The following FHIP1A variants were observed in gnomAD, a reference collection of about 807,000 sequenced individuals.
The protein encoded by FHIP1A is FHF complex subunit HOOK-interacting protein 1A.
Under a neutral mutation model 88.6 loss-of-function variants are expected in FHIP1A, and 61 were observed. The observed-to-expected ratio is 0.69, with a 90% CI of 0.56 to 0.85. The LOEUF (loss-of-function observed/expected upper bound fraction) is 0.85. Ranked by LOEUF, FHIP1A falls within the 40% of genes least tolerant of loss-of-function variation. The pLI is 0.00. For synonymous variants in FHIP1A, 478 were observed against 496.0 expected (o/e 0.96, Z 0.48); for missense variants, 1,154 against 1,273.5 (o/e 0.91, Z 1.43).
chr4:151,417,382 C>A (rs1483721676), intron 1 of FHIP1A, among the ~76,000 whole-genome samples: 1 of 152,116 alleles, frequency 6.6e-6, no homozygotes, highest in African/African-American at 2.4e-5. Context: ...CAGAGTTACA[C>A]CCTATGCAAA....
intron 2 of FHIP1A, among the ~76,000 whole-genome samples, chr4:151,474,275 C>T (rs1729623048): frequency 6.6e-6 from 1 of 152,112 alleles, no homozygotes; most frequent in Non-Finnish European, 1.5e-5. Flanking sequence ...TTGAAATTCA[C>T]AGGTTCAAAA....
At chr4:151,630,195 T>C (rs1302642457) in intron 8 of FHIP1A, among the ~76,000 whole-genome samples, 1 of 152,152 alleles carries the variant, frequency 6.6e-6, no homozygotes, top group Non-Finnish European at 1.5e-5. Context: ...CAAGGGAACA[T>C]GTGGGCTTAA....
rs1373019949 is a variant in FHIP1A at position 151,569,888 on chromosome 4, G to A, written c.105+3524G>A. Among the ~76,000 whole-genome samples, 4 of 152,174 alleles carry A rather than the reference G, an allele frequency of 2.6e-5. No individual in the cohort carries two copies. In the East Asian group the frequency reaches 7.7e-4, roughly 29 times the overall value. On this transcript the variant is annotated intron_variant, in intron 4 of 13. Transcript: ENST00000435205. Reference sequence around the variant, plus strand: ...GTTCCCAACTGCTTCTGGGTCCAGTGATCTCATGGCATCCCCAGAATCATT... The same window carrying A: ...GTTCCCAACTGCTTCTGGGTCCAGTAATCTCATGGCATCCCCAGAATCATT...
rs1287168284 is a variant in FHIP1A at position 151,415,557 on chromosome 4, C to T, written c.-356+6092C>T. ...TTTTTCTATATTAAGAACAGTGCTT[C>T]AGAGAACATCCTTGAAAGTGTTATC... is the stretch of plus-strand genomic sequence containing the variant. On this transcript the variant is annotated intron_variant, in intron 1 of 13. Transcript: ENST00000435205. 3.3e-5 allele frequency among the ~76,000 whole-genome samples: 5 copies of T among 152,190 alleles called. No individual in the cohort carries two copies. The South Asian group carries it at 6.2e-4, about 19-fold the overall frequency.
rs1737521462 is a variant in FHIP1A at position 151,662,835 on chromosome 4, A to G, written c.*81A>G. Reference sequence around the variant, plus strand: ...CTGAATGTTAAATGCAAAGCTGCTTACAAAGATTTCTACTTTAATGTTTCC... The same window carrying G: ...CTGAATGTTAAATGCAAAGCTGCTTGCAAAGATTTCTACTTTAATGTTTCC... On this transcript the variant is annotated 3_prime_UTR_variant, in exon 14 of 14. Coordinates refer to ENST00000435205, the MANE Select transcript of FHIP1A (RefSeq NM_001109977.3). 1 of 1,263,342 alleles carries G rather than the reference A, an allele frequency of 7.9e-7. No individual in the cohort carries two copies. The highest frequency in any genetic ancestry group is 1.5e-5 in the African/African-American group (1 of 64,688). The allele number at this position is 1,263,342 out of a possible 1,614,324, so 78.3% of individuals were successfully genotyped here.
intron 1 of FHIP1A, among the ~76,000 whole-genome samples, chr4:151,441,299 A>C (rs1389983320): frequency 2.0e-5 from 3 of 151,960 alleles, no homozygotes; most frequent in African/African-American, 7.2e-5. Flanking sequence ...GGGTTTAGAA[A>C]ATTCTGAGAT....
intron 3 of FHIP1A, among the ~76,000 whole-genome samples, chr4:151,544,183 G>T (rs932101184): frequency 6.6e-6 from 1 of 152,316 alleles, no homozygotes; most frequent in South Asian, 2.1e-4. Context: ...TCCATATTTT[G>T]AAGATAAAGT....
intron 4 of FHIP1A, among the ~76,000 whole-genome samples, chr4:151,575,676 A>G (rs1014101165): frequency 2.0e-5 from 3 of 152,172 alleles, no homozygotes; most frequent in Non-Finnish European, 2.9e-5. Flanking sequence ...CAACTTTATA[A>G]TGGAAGTCAA....
chr4:151,603,567 C>T (rs561314647), intron 7 of FHIP1A, among the ~76,000 whole-genome samples: 8 of 152,274 alleles, frequency 5.3e-5, no homozygotes, highest in African/African-American at 1.9e-4. Flanking sequence ...CTAAAAAGCT[C>T]TGGGGCTGAG....
chr4:151,657,017 T>G, intron 13 of FHIP1A, 119 bp downstream of exon 13: 2 of 1,101,344 alleles, frequency 1.8e-6, no homozygotes, highest in Non-Finnish European at 2.5e-6. Flanking sequence ...TCAGAGATAT[T>G]TTCATTTTTA....
At chr4:151,654,191 A>G (rs774052635) in intron 11 of FHIP1A, among the ~76,000 whole-genome samples, 1 of 152,076 alleles carries the variant, frequency 6.6e-6, no homozygotes, top group Non-Finnish European at 1.5e-5. Context: ...GATGCTAATT[A>G]TAATGTCAAA....
chr4:151,456,415 G>A (rs574136827), intron 2 of FHIP1A, among the ~76,000 whole-genome samples: 1 of 152,152 alleles, frequency 6.6e-6, no homozygotes. Context: ...TGGAACTCAA[G>A]TGAGGAGAGT....
intron 4 of FHIP1A, among the ~76,000 whole-genome samples, chr4:151,572,077 C>G (rs1733622784): frequency 6.6e-6 from 1 of 152,170 alleles, no homozygotes; most frequent in Non-Finnish European, 1.5e-5. Flanking sequence ...TGTGGTGGCA[C>G]ATGCCTGTAA....
intron 1 of FHIP1A, among the ~76,000 whole-genome samples, chr4:151,449,203 CT>C (rs1370687918): frequency 6.6e-6 from 1 of 151,966 alleles, no homozygotes; most frequent in African/African-American, 2.4e-5. Context: ...ACATGATATG[CT>C]TATTTTGTGC....
In FHIP1A at chr4:151,528,306, C is replaced by G. The variant is rs1044428952; in HGVS notation, c.-122-37832C>G. 2.0e-5 allele frequency among the ~76,000 whole-genome samples: 3 copies of G among 152,142 alleles called. 1 individual carries two copies. The highest frequency in any genetic ancestry group is 4.1e-4 in the South Asian group (2 of 4,828). On this transcript the variant is annotated intron_variant, in intron 3 of 13. Coordinates refer to ENST00000435205, the MANE Select transcript of FHIP1A (RefSeq NM_001109977.3). ...TGCTCCTCTACTGCCTCTTTAAAAT[C>G]TATGGTAAACAAATTTTCTGTTATA...
chr4:151,424,749 C>A (rs1347313701), intron 1 of FHIP1A, among the ~76,000 whole-genome samples: 1 of 151,334 alleles, frequency 6.6e-6, no homozygotes, highest in Non-Finnish European at 1.5e-5. Context: ...AGGCAGATAC[C>A]CATCCTGGTA....
intron 1 of FHIP1A, among the ~76,000 whole-genome samples, chr4:151,450,927 G>A (rs1728768349): frequency 6.6e-6 from 1 of 151,934 alleles, no homozygotes; most frequent in Non-Finnish European, 1.5e-5. Flanking sequence ...ACAAGTGTGT[G>A]CCACCATGCT....
rs915824487 is a variant in FHIP1A, at chr4:151,526,381, G to A, written c.-122-39757G>A. ...TCCCAGACGAGGCGGCTGGCCGGGC[G>A]GGGGGCTGACCCCCCCACCTCCCTC... On this transcript the variant is annotated intron_variant, in intron 3 of 13. Coordinates refer to ENST00000435205, the MANE Select transcript of FHIP1A (RefSeq NM_001109977.3). 6.6e-5 allele frequency among the ~76,000 whole-genome samples: 10 copies of A among 150,970 alleles called. No homozygotes were observed. In the East Asian group the frequency reaches 1.8e-3, roughly 27 times the overall value.
At chr4:151,620,890 A>ACC (rs562989264) in intron 7 of FHIP1A, among the ~76,000 whole-genome samples, 2 of 144,378 alleles carry the variant, frequency 1.4e-5, no homozygotes, top group African/African-American at 2.5e-5. Flanking sequence ...AAAAAAAAAA[A>ACC]CCCCACACAA....
Sources: allele counts gnomAD v4.1 joint callset (sites outside exome capture counted in the v4.1 genomes callset), GRCh38; gene constraint gnomAD v4.1.1; transcripts MANE v1.5; gene names NCBI Gene and HGNC (gene_info 2026-07-23, HGNC 2026-07-21).